The following DPP6 variants were observed in gnomAD, a reference collection of about 807,000 sequenced individuals.
DPP6 encodes the protein A-type potassium channel modulatory protein DPP6.
In DPP6, 69 loss-of-function variants were observed where a neutral mutation model predicts 122.6. The ratio of observed to expected loss-of-function variants is 0.56; its 90% CI spans 0.46 to 0.69. The LOEUF is 0.69. Ranked by LOEUF, DPP6 falls within the 30% of genes least tolerant of loss-of-function variation. The pLI is 0.00. For missense variants in DPP6, 928 were observed against 1,116.9 expected (o/e 0.83, Z 2.41); for synonymous variants, 418 against 433.1 (o/e 0.97, Z 0.43).
At chr7:154,716,795 T>C (rs1841512514) in intron 7 of DPP6, among the ~76,000 whole-genome samples, 2 of 149,690 alleles carry the variant, frequency 1.3e-5, no homozygotes, top group Admixed American at 1.3e-4. Flanking sequence ...TGTACTTATT[T>C]AATGTGGTAC....
At position 154,831,102 on chromosome 7, in the gene DPP6, G is replaced by A. The variant is rs544359290; in HGVS notation, c.1667-22678G>A. The stretch of plus-strand genomic sequence containing the variant: ...CCCTCAGAAGCCACCCTGCCCCAAC[G>A]TCAGCCCTGCCTTAGAAAAAGGACC... On this transcript the variant is annotated intron_variant, in intron 16 of 25. Coordinates refer to ENST00000377770, the MANE Select transcript of DPP6 (RefSeq NM_130797.4). Among the ~76,000 whole-genome samples the A allele has an allele frequency of 3.0e-4, 46 of 152,230 alleles. 1 individual carries two copies. The highest frequency in any genetic ancestry group is 1.0e-3 in the African/African-American group (42 of 41,530).
intron 17 of DPP6, among the ~76,000 whole-genome samples, chr7:154,862,766 A>AGAAG (rs1285871578): frequency 6.6e-6 from 1 of 152,208 alleles, no homozygotes; most frequent in Non-Finnish European, 1.5e-5. Context: ...GCATGATGCT[A>AGAAG]GAAGGACCAA....
intron 3 of DPP6, among the ~76,000 whole-genome samples, chr7:154,499,104 G>A (rs1824999762): frequency 6.6e-6 from 1 of 152,132 alleles, no homozygotes; most frequent in Non-Finnish European, 1.5e-5. Flanking sequence ...AAGTCGGGGA[G>A]GAGAATATTT....
At chr7:154,574,068 T>G (rs2130589949) in intron 5 of DPP6, among the ~76,000 whole-genome samples, 1 of 152,378 alleles carries the variant, frequency 6.6e-6, no homozygotes, top group East Asian at 1.9e-4. Context: ...TTTATTTTTA[T>G]TTTTACTCAG....
rs538127562 is a variant in DPP6, at chr7:154,395,560, T to A, written c.244-50654T>A. Among the ~76,000 whole-genome samples, 11 of 152,342 alleles carry A rather than the reference T, an allele frequency of 7.2e-5. No homozygotes were observed. In the South Asian group the frequency reaches 1.9e-3, roughly 26 times the overall value. On this transcript the variant is annotated intron_variant, in intron 1 of 25. Coordinates refer to ENST00000377770, the MANE Select transcript of DPP6 (RefSeq NM_130797.4). Reference sequence around the variant, plus strand: ...ATCATTTCCTTTTCAGATTGTTCATTGTTAGCATAGAGAAATTCAACTGAA... The same window carrying A: ...ATCATTTCCTTTTCAGATTGTTCATAGTTAGCATAGAGAAATTCAACTGAA...
intron 3 of DPP6, 46 bp from the exon 4 acceptor site, chr7:154,540,486 G>A (rs1382220640): frequency 8.3e-7 from 1 of 1,202,646 alleles, no homozygotes; most frequent in South Asian, 1.3e-5. Context: ...GTTGAGGAGA[G>A]TTCCTTGATG....
intron 1 of DPP6, among the ~76,000 whole-genome samples, chr7:154,117,004 T>C (rs1400859099): frequency 6.6e-6 from 1 of 151,950 alleles, no homozygotes; most frequent in African/African-American, 2.4e-5. Context: ...TCTTCTCCAG[T>C]CTTTACTTTC....
At chr7:154,370,187 T>C (rs1399699450) in intron 1 of DPP6, among the ~76,000 whole-genome samples, 1 of 152,168 alleles carries the variant, frequency 6.6e-6, no homozygotes, top group Non-Finnish European at 1.5e-5. Flanking sequence ...TTCGCCATGT[T>C]GGCCAGGCTG....
intron 4 of DPP6, among the ~76,000 whole-genome samples, chr7:154,559,361 C>T (rs75108799): frequency 2.9e-5 from 4 of 138,198 alleles, no homozygotes; most frequent in African/African-American, 1.1e-4. Context: ...AAAAAAAAAG[C>T]CTGAACAGCA....
chr7:154,274,102 G>T (rs1223029363), intron 1 of DPP6, among the ~76,000 whole-genome samples: 1 of 152,182 alleles, frequency 6.6e-6, no homozygotes, highest in Non-Finnish European at 1.5e-5. Context: ...CTCTCTCACT[G>T]ATTTAGAGGA....
chr7:154,172,382 C>T (rs572013749), intron 1 of DPP6, among the ~76,000 whole-genome samples: 2 of 152,314 alleles, frequency 1.3e-5, no homozygotes, highest in African/African-American at 2.4e-5. Flanking sequence ...GCCCCGCCTC[C>T]TGTGTGAAGA....
chr7:153,884,987 A>AATAT (rs56329841), upstream of DPP6, among the ~76,000 whole-genome samples: 2,153 of 116,194 alleles, frequency 0.019, 32 homozygotes, highest in Non-Finnish European at 0.025. Flanking sequence ...TCAAAACAAA[A>AATAT]ATATATATAT....
In DPP6 at chr7:154,207,940, G is replaced by A. The variant is rs189221189; in HGVS notation, c.243+154877G>A. The stretch of plus-strand genomic sequence containing the variant: ...ACTGCACTCCAGCCTGGGCAACAGA[G>A]TGAGACTGCCTCAAAAAAAAAAAAA... On this transcript the variant is annotated intron_variant, in intron 1 of 25. Coordinates refer to ENST00000377770, the MANE Select transcript of DPP6 (RefSeq NM_130797.4). 2.6e-3 allele frequency among the ~76,000 whole-genome samples: 392 copies of A among 148,980 alleles called. 1 individual carries two copies. Among genetic ancestry groups the A allele is most frequent in the South Asian group, 0.01 (48 of 4,778 alleles).
intron 1 of DPP6, among the ~76,000 whole-genome samples, chr7:154,349,334 C>G (rs914781920): frequency 6.6e-6 from 1 of 152,196 alleles, no homozygotes; most frequent in African/African-American, 2.4e-5. Context: ...CGCCACCACA[C>G]CTGGCTAATT....
At chr7:154,152,390 C>T (rs899955920) in intron 1 of DPP6, among the ~76,000 whole-genome samples, 7 of 152,092 alleles carry the variant, frequency 4.6e-5, no homozygotes, top group Non-Finnish European at 8.8e-5. Flanking sequence ...CTCTCTGGAC[C>T]CTCTGTCTCC....
intron 1 of DPP6, among the ~76,000 whole-genome samples, chr7:153,932,141 AAC>A (rs1801199184): frequency 1.3e-5 from 1 of 79,330 alleles, no homozygotes; most frequent in Non-Finnish European, 2.9e-5. Flanking sequence ...TTTTTTTTTT[AAC>A]AGAATCTCAT....
At chr7:153,999,814 C>T (rs1797603755) in intron 1 of DPP6, among the ~76,000 whole-genome samples, 1 of 152,074 alleles carries the variant, frequency 6.6e-6, no homozygotes, top group South Asian at 2.1e-4. Flanking sequence ...TAAAAATTAG[C>T]TGGGCATGGT....
rs144997725 is a variant in DPP6 at position 154,851,002 on chromosome 7, C to T, written c.1667-2778C>T. 1.3e-4 allele frequency among the ~76,000 whole-genome samples: 20 copies of T among 152,274 alleles called. No individual in the cohort carries two copies. The East Asian group carries it at 2.9e-3, about 22-fold the overall frequency. ...GTTATTTTTGTCTATGTTTAAAATACGTGCTTATGTGTAAATATGACCATG... is the reference window on the plus strand; with the variant it reads ...GTTATTTTTGTCTATGTTTAAAATATGTGCTTATGTGTAAATATGACCATG... On this transcript the variant is annotated intron_variant, in intron 16 of 25. Transcript: ENST00000377770.
At chr7:154,068,191 C>A (rs1199878935) in intron 1 of DPP6, among the ~76,000 whole-genome samples, 9 of 151,970 alleles carry the variant, frequency 5.9e-5, no homozygotes, top group Non-Finnish European at 1.3e-4. Flanking sequence ...TGAACACAGG[C>A]CACTGTGGGA....
Sources: allele counts gnomAD v4.1 joint callset (sites outside exome capture counted in the v4.1 genomes callset), GRCh38; gene constraint gnomAD v4.1.1; transcripts MANE v1.5; gene names NCBI Gene and HGNC (gene_info 2026-07-23, HGNC 2026-07-21).